BCAR3: variants seen among roughly 807,000 people sequenced by gnomAD.
BCAR3 encodes BCAR3 adaptor protein, NSP family member, also known as breast cancer anti-estrogen resistance protein 3.
Under a neutral mutation model 80.1 loss-of-function variants are expected in BCAR3, and 37 were observed. The observed-to-expected ratio is 0.46, with a 90% CI of 0.36 to 0.61. The LOEUF is 0.61. Ranked by LOEUF, BCAR3 falls within the 20% of genes least tolerant of loss-of-function variation. BCAR3 has a pLI of 0.00. For synonymous variants in BCAR3, 389 were observed against 418.9 expected, an observed-to-expected ratio of 0.93 and a Z score of 0.87; for missense variants, 978 against 1,068.2, an observed-to-expected ratio of 0.92 and a Z score of 1.18.
Position 93,562,192 on chromosome 1 carries a change from G to A in BCAR3, c.*49C>T. ...AAAAACAGTAAGCTTTCCCAAAGAT[G>A]AAGCTGGGGAAACTTGAAAAGATAT... On this transcript the variant is annotated 3_prime_UTR_variant, in exon 12 of 12. Transcript: ENST00000260502. 1 of 1,543,636 alleles carries A rather than the reference G, an allele frequency of 6.5e-7. No homozygotes were observed. Among genetic ancestry groups the A allele is most frequent in the Non-Finnish European group, 8.8e-7 (1 of 1,135,262 alleles).
rs1647555450 is a variant in BCAR3 at position 93,659,567 on chromosome 1, TTA to T, written c.317+15045_317+15046del. ...CCTTCTACTATAATAGAAATATATATTATATATATGGTTACATATATAAGTAT... is the reference window on the plus strand; with the variant it reads ...CCTTCTACTATAATAGAAATATATATTATATATGGTTACATATATAAGTAT... On this transcript the variant is annotated intron_variant, in intron 2 of 11. Coordinates refer to ENST00000260502, the MANE Select transcript of BCAR3 (RefSeq NM_003567.4). Among the ~76,000 whole-genome samples the T allele has an allele frequency of 1.3e-5, 2 of 151,718 alleles. 1 individual carries two copies. Among genetic ancestry groups the T allele is most frequent in the South Asian group, 4.1e-4 (2 of 4,824 alleles).
intron 3 of BCAR3, among the ~76,000 whole-genome samples, chr1:93,596,487 G>A (rs1674423464): frequency 6.6e-6 from 1 of 152,188 alleles, no homozygotes; most frequent in Non-Finnish European, 1.5e-5. Flanking sequence ...CTGTCAGCAA[G>A]GGACAGCAGG....
intron 3 of BCAR3, among the ~76,000 whole-genome samples, chr1:93,628,514 G>A (rs1476454811): frequency 2.0e-5 from 3 of 152,130 alleles, no homozygotes; most frequent in African/African-American, 7.2e-5. Flanking sequence ...TCCAGCCTCT[G>A]GCCTCCTCGT....
chr1:93,599,960 T>C (rs1317192589), intron 3 of BCAR3, among the ~76,000 whole-genome samples: 1 of 152,160 alleles, frequency 6.6e-6, no homozygotes, highest in East Asian at 1.9e-4. Flanking sequence ...TCCTAACAGT[T>C]TCCCTACCTC....
At chr1:93,583,101 T>C in intron 6 of BCAR3, 148 bp from the exon 7 acceptor site, 1 of 987,120 alleles carries the variant, frequency 1.0e-6, no homozygotes, top group Non-Finnish European at 1.4e-6. Flanking sequence ...TCAGTGTGAC[T>C]GTCCCACGCC....
intron 2 of BCAR3, chr1:93,775,422 A>G (rs1361478128): frequency 6.6e-6 from 1 of 152,216 alleles, no homozygotes; most frequent in Non-Finnish European, 1.5e-5. Flanking sequence ...CCTGCCCAGC[A>G]CGCGCGCGGC....
chr1:93,711,397 C>A (rs1191965164), intron 2 of BCAR3, among the ~76,000 whole-genome samples: 1 of 152,196 alleles, frequency 6.6e-6, no homozygotes, highest in African/African-American at 2.4e-5. Context: ...ATGTGTCTGT[C>A]ATTATTCAGC....
At chr1:93,570,943 C>A (rs368837727) in intron 9 of BCAR3, among the ~76,000 whole-genome samples, 2 of 152,300 alleles carry the variant, frequency 1.3e-5, no homozygotes, top group South Asian at 4.1e-4. Flanking sequence ...GTGCTTCATG[C>A]CTGTAATCCC....
chr1:93,809,014 C>T (rs1571142558), intron 2 of BCAR3, among the ~76,000 whole-genome samples: 1 of 152,090 alleles, frequency 6.6e-6, no homozygotes, highest in Admixed American at 6.6e-5. Flanking sequence ...AAGTATGTAA[C>T]AGGCTGACAG....
chr1:93,800,011 T>C (rs1032096285), intron 2 of BCAR3, among the ~76,000 whole-genome samples: 5 of 152,364 alleles, frequency 3.3e-5, no homozygotes, highest in East Asian at 1.9e-4. Context: ...TTCTCTAATC[T>C]TGTATAAACC....
chr1:93,680,410 C>T (rs1451971920), intron 1 of BCAR3, among the ~76,000 whole-genome samples: 2 of 152,174 alleles, frequency 1.3e-5, no homozygotes, highest in Admixed American at 1.3e-4. Context: ...CGCAGACAAG[C>T]GCTTTGCCTG....
chr1:93,716,573 G>A (rs1650197620), intron 2 of BCAR3, among the ~76,000 whole-genome samples: 1 of 152,182 alleles, frequency 6.6e-6, no homozygotes, highest in African/African-American at 2.4e-5. Context: ...TTCAAGTACT[G>A]CAAGATCACT....
chr1:93,564,825 T>C (rs1405072000), intron 11 of BCAR3, among the ~76,000 whole-genome samples: 4 of 152,204 alleles, frequency 2.6e-5, no homozygotes, highest in Non-Finnish European at 5.9e-5. Flanking sequence ...GCCATATGTG[T>C]GGGCCTATTT....
chr1:93,567,687 G>C, intron 10 of BCAR3, 53 bp downstream of exon 10: 2 of 1,533,568 alleles, frequency 1.3e-6, no homozygotes, highest in Non-Finnish European at 1.8e-6. Flanking sequence ...CTGTGTACTT[G>C]TACTCCACTC....
Position 93,796,264 on chromosome 1 carries a change from G to A in BCAR3, c.-63+49303C>T, listed in dbSNP as rs1397689530. Among the ~76,000 whole-genome samples, 54 of 128,704 alleles carry A rather than the reference G, an allele frequency of 4.2e-4. No homozygotes were observed. In the East Asian group the frequency reaches 7.0e-3, roughly 17 times the overall value. The allele number at this position is 128,704 out of a possible 152,430, so 84.4% of individuals were successfully genotyped here. A position where few individuals can be genotyped will look rare whatever the true frequency, so the allele number is the denominator to read the frequency against. On this transcript the variant is annotated intron_variant, in intron 2 of 13. Coordinates refer to the BCAR3 transcript ENST00000370244. ...GCGCCCCTCCCCCAGCCTCGTTGCC[G>A]CCTTGCAGTTTGATCTCAGACTGCT... is the stretch of plus-strand genomic sequence containing the variant.
At chr1:93,823,221 G>A (rs1654285686) in intron 2 of BCAR3, among the ~76,000 whole-genome samples, 1 of 133,954 alleles carries the variant, frequency 7.5e-6, no homozygotes, top group Non-Finnish European at 1.7e-5. Context: ...TTTCTTGCTG[G>A]GTGAGGTGCT....
At chr1:93,644,133 A>G (rs1303666920) in intron 2 of BCAR3, among the ~76,000 whole-genome samples, 4 of 152,236 alleles carry the variant, frequency 2.6e-5, no homozygotes, top group Admixed American at 2.6e-4. Context: ...TGGCCCTGCA[A>G]AACTGTCCTT....
intron 3 of BCAR3, among the ~76,000 whole-genome samples, chr1:93,704,575 A>G (rs1482376063): frequency 6.6e-6 from 1 of 152,218 alleles, no homozygotes; most frequent in Non-Finnish European, 1.5e-5. Context: ...ACACTTCACC[A>G]CATCTCCAGA....
intron 2 of BCAR3, among the ~76,000 whole-genome samples, chr1:93,834,628 G>A (rs1318312806): frequency 1.3e-5 from 2 of 152,234 alleles, no homozygotes; most frequent in African/African-American, 2.4e-5. Flanking sequence ...CCTCATGTCT[G>A]TGTGTGGCAG....
Sources: allele counts gnomAD v4.1 joint callset (sites outside exome capture counted in the v4.1 genomes callset), GRCh38; gene constraint gnomAD v4.1.1; transcripts MANE v1.5; gene names NCBI Gene and HGNC (gene_info 2026-07-23, HGNC 2026-07-21).